Variants in ICAM3 observed in about 807,000 individuals in gnomAD.
The protein encoded by ICAM3 is intercellular adhesion molecule 3.
ICAM3 carries 54 observed loss-of-function variants against 43.6 expected under a neutral mutation model. That is an observed-to-expected ratio of 1.24 (90% confidence interval 0.99 to 1.55). The LOEUF (loss-of-function observed/expected upper bound fraction) is 1.55, where lower values mean the gene tolerates loss of function less well. ICAM3 is among the 40% of genes most tolerant of loss of function. ICAM3 has a pLI of 0.00. For missense variants in ICAM3, 715 were observed against 717.9 expected (o/e 1.00, Z 0.05); for synonymous variants, 306 against 312.6 (o/e 0.98, Z 0.22).
At position 10,335,283 on chromosome 19, in the gene ICAM3, G is replaced by C. The variant is rs781107671; in HGVS notation, c.720C>G (p.Asp240Glu). ...CTGGAAAAAGCCCGTCTAGGGTGCA[G>C]TCCACCGGCCACGACGTTTCCACCT... ...FLEVETSWPV[D>E]CTLDGLFPAS... is the part of the protein sequence containing the mutation. Residue 240 changes from aspartate (D) to glutamate (E), a missense_variant, in exon 4 of 7, where the codon GAC becomes GAG. Transcript: ENST00000160262. 6.2e-7 allele frequency: 1 copy of C among 1,613,190 alleles called. No individual in the cohort carries two copies. The highest frequency in any genetic ancestry group is 8.5e-7 in the Non-Finnish European group (1 of 1,179,944).
In ICAM3 at chr19:10,334,517, G is replaced by T; in HGVS notation, c.1192+11C>A. Reference sequence around the variant, plus strand: ...GGGTGGAGGGATTAAAGGTCAGGGTGACCGACTCACACAGGACTCGCAGCT... The same window carrying T: ...GGGTGGAGGGATTAAAGGTCAGGGTTACCGACTCACACAGGACTCGCAGCT... On this transcript the variant is annotated intron_variant, in intron 5 of 6. Transcript: ENST00000160262. The surrounding 1 kb of genome is among the most constrained non-coding windows in gnomAD (Gnocchi z 5.5). The T allele has an allele frequency of 6.2e-7, 1 of 1,603,478 alleles. No individual in the cohort carries two copies. The highest frequency in any genetic ancestry group is 1.1e-5 in the South Asian group (1 of 89,848).
intron 1 of ICAM3, 38 bp downstream of exon 1, chr19:10,339,501 C>T (rs1197411171): frequency 1.3e-6 from 2 of 1,582,400 alleles, no homozygotes; most frequent in Non-Finnish European, 1.7e-6. Flanking sequence ...CCCCAAAACG[C>T]AGCCCTCTCC....
Position 10,334,167 on chromosome 19 carries a change from G to A in ICAM3, c.1434C>T (p.Asp478=). The A allele has an allele frequency of 6.2e-7, 1 of 1,611,096 alleles. No homozygotes were observed. Among genetic ancestry groups the A allele is most frequent in the Non-Finnish European group, 8.5e-7 (1 of 1,177,998 alleles). Residue 478 remains aspartate, a synonymous_variant, in exon 6 of 7, where the codon GAC becomes GAT. Coordinates refer to ENST00000160262, the MANE Select transcript of ICAM3 (RefSeq NM_002162.5). This position sits in a 1 kb window ranked among gnomAD's most constrained non-coding sequence, Gnocchi z 5.5. ...AGCCCCGTGTTAGCTCACCCTCAAT[G>A]TCCATCACCACGACCAGGGTGTATT... is the stretch of plus-strand genomic sequence containing the variant. ...RGKYTLVVVM[D]IEAGSSHFVP...
rs1334453569 is a variant in ICAM3 at position 10,335,857 on chromosome 19, G to A, written c.463C>T (p.Leu155Phe). 1.9e-6 allele frequency: 3 copies of A among 1,610,444 alleles called. No individual in the cohort carries two copies. The South Asian group carries it at 3.3e-5, about 18-fold the overall frequency. The change falls in exon 3 of 7, where the codon CTT becomes TTT. Residue 155 changes from leucine to phenylalanine, a missense_variant. Physicochemically the swap from Leu to Phe is conservative, Grantham distance 22. Coordinates refer to ENST00000160262, the MANE Select transcript of ICAM3 (RefSeq NM_002162.5). ...SPRTSLTVVL[L>F]RWEEELSRQP... Reference sequence around the variant, plus strand: ...CGGCTCAGCTCCTCCTCCCAGCGAAGCAGCACCACCGTGAGGCTGGTCCGG... The same window carrying A: ...CGGCTCAGCTCCTCCTCCCAGCGAAACAGCACCACCGTGAGGCTGGTCCGG...
Position 10,339,608 on chromosome 19 carries a change from T to G in ICAM3, c.7A>C (p.Thr3Pro), listed in dbSNP as rs2040635693. ...GGCCACAACACGGATGGTACCATGG[T>G]GGCCATTCTGACAGAGGAAGGTGCC... is the stretch of plus-strand genomic sequence containing the variant. MA[T>P]MVPSVLWPRA... The change falls in exon 1 of 7, where the codon ACC becomes CCC. Residue 3 changes from threonine to proline, a missense_variant. Thr to Pro is a conservative substitution (Grantham distance 38). Transcript: ENST00000160262. The G allele has an allele frequency of 6.2e-7, 1 of 1,613,342 alleles. No individual in the cohort carries two copies. The highest frequency in any genetic ancestry group is 1.7e-5 in the Admixed American group (1 of 59,872).
At position 10,335,700 on chromosome 19, in the gene ICAM3, G is replaced by A. The variant is rs998082364; in HGVS notation, c.620C>T (p.Thr207Ile). The change falls in exon 3 of 7, where the codon ACC becomes ATC. Residue 207 changes from threonine to isoleucine, a missense_variant. Transcript: ENST00000160262. Reference sequence around the variant, plus strand: ...GGTTCGGAGCTGGCGGGGGGCTGAGGTGTTCACGAACAGTCCCAGCCCCTG... The same window carrying A: ...GGTTCGGAGCTGGCGGGGGGCTGAGATGTTCACGAACAGTCCCAGCCCCTG... ...QPQGLGLFVN[T>I]SAPRQLRTFV... The A allele has an allele frequency of 6.2e-7, 1 of 1,607,888 alleles. No homozygotes were observed. Among genetic ancestry groups the A allele is most frequent in the East Asian group, 2.2e-5 (1 of 44,702 alleles).
intron 2 of ICAM3, among the ~76,000 whole-genome samples, chr19:10,337,416 C>CAAAA (rs1227458863): frequency 1.3e-5 from 1 of 74,248 alleles, no homozygotes; most frequent in Non-Finnish European, 2.7e-5. Flanking sequence ...GACTCTGTCT[C>CAAAA]AAAAAAAAAA....
chr19:10,335,145 C>T lies in ICAM3; in HGVS notation c.858G>A (p.Gln286=), dbSNP rs773029037. ...ATATATARAD[Q]EGAREIVCNV... ...TGCAGACGATCTCCCGGGCACCCTCCTGATCCGCGCGCGCCGTGGCTGTGG... is the reference window on the plus strand; with the variant it reads ...TGCAGACGATCTCCCGGGCACCCTCTTGATCCGCGCGCGCCGTGGCTGTGG... Residue 286 remains glutamine (Q), a synonymous_variant, in exon 4 of 7, where the codon CAG becomes CAA. Transcript: ENST00000160262. 1.2e-6 allele frequency: 2 copies of T among 1,613,746 alleles called. No homozygotes were observed. The highest frequency in any genetic ancestry group is 2.7e-5 in the African/African-American group (2 of 74,916).
chr19:10,335,055 C>T lies in ICAM3; in HGVS notation c.937+11G>A. The stretch of plus-strand genomic sequence containing the variant: ...GCTGAGGCCGCGCCCCCTTCCCACG[C>T]CTCCTCTTACTAAAGACCGTCAAGT... On this transcript the variant is annotated intron_variant, in intron 4 of 6. Coordinates refer to ENST00000160262, the MANE Select transcript of ICAM3 (RefSeq NM_002162.5). The T allele has an allele frequency of 6.2e-7, 1 of 1,608,942 alleles. No individual in the cohort carries two copies. The highest frequency in any genetic ancestry group is 8.5e-7 in the Non-Finnish European group (1 of 1,176,744).
intron 2 of ICAM3, among the ~76,000 whole-genome samples, chr19:10,336,587 C>T (rs1431687714): frequency 6.6e-6 from 1 of 152,060 alleles, no homozygotes; most frequent in East Asian, 1.9e-4. Context: ...GGACGGATCA[C>T]CTGAGACCAG....
chr19:10,339,485 A>G, intron 1 of ICAM3, 54 bp downstream of exon 1: 2 of 1,474,902 alleles, frequency 1.4e-6, no homozygotes, highest in Non-Finnish European at 1.9e-6. Context: ...TCTACCCTCT[A>G]CTGATCCCCA....
chr19:10,334,755 C>G lies in ICAM3; in HGVS notation c.965G>C (p.Ser322Thr). 6.2e-7 allele frequency: 1 copy of G among 1,606,704 alleles called. No individual in the cohort carries two copies. The highest frequency in any genetic ancestry group is 8.5e-7 in the Non-Finnish European group (1 of 1,175,408). Residue 322 changes from serine (S) to threonine (T), a missense_variant, in exon 5 of 7, where the codon AGC becomes ACC. Ser to Thr is a moderately conservative substitution (Grantham distance 58, BLOSUM62 1). Coordinates refer to ENST00000160262, the MANE Select transcript of ICAM3 (RefSeq NM_002162.5). The surrounding 1 kb of genome is among the most constrained non-coding windows in gnomAD (Gnocchi z 5.5). ...FSFLGPIVNL[S>T]EPTAHEGSTV... is the part of the protein sequence containing the mutation. ...GGACCCCTCATGGGCGGTGGGCTCG[C>G]TGAGGTTCACAATGGGTCCTAGGAA... is the stretch of plus-strand genomic sequence containing the variant.
At chr19:10,337,437 GAAAAGA>G (rs1267463244) in intron 2 of ICAM3, among the ~76,000 whole-genome samples, 41 of 54,204 alleles carry the variant, frequency 7.6e-4, no homozygotes, top group East Asian at 3.4e-3. Context: ...AAAAAGAAAA[GAAAAGA>G]AAAAAAAAAG....
At position 10,333,803 on chromosome 19, in the gene ICAM3, C is replaced by A. The variant is rs1008722660; in HGVS notation, c.*54G>T. 2 of 1,568,264 alleles carry A rather than the reference C, an allele frequency of 1.3e-6. No individual in the cohort carries two copies. Among genetic ancestry groups the A allele is most frequent in the Admixed American group, 1.7e-5 (1 of 59,506 alleles). On this transcript the variant is annotated 3_prime_UTR_variant, in exon 7 of 7. Coordinates refer to ENST00000160262, the MANE Select transcript of ICAM3 (RefSeq NM_002162.5). The surrounding 1 kb of genome is among the most constrained non-coding windows in gnomAD (Gnocchi z 4.2). ...AGGGAGTTTGAAGGCTTTATTGGTG[C>A]GGAATCTGAGGGCACAGCCAAGCCC...
At position 10,334,539 on chromosome 19, in the gene ICAM3, A is replaced by G; in HGVS notation, c.1181T>C (p.Leu394Pro). The G allele has an allele frequency of 6.2e-7, 1 of 1,610,044 alleles. No homozygotes were observed. Among genetic ancestry groups the G allele is most frequent in the Middle Eastern group, 1.7e-4 (1 of 6,048 alleles). Residue 394 changes from leucine (L) to proline (P), a missense_variant, in exon 5 of 7, where the codon CTG becomes CCG. By Grantham distance (98) the Leu-to-Pro change is moderately conservative. Transcript: ENST00000160262. This position sits in a 1 kb window ranked among gnomAD's most constrained non-coding sequence, Gnocchi z 5.5. ...EFLHRNSSVQ[L>P]RVLYGPKIDR... Reference sequence around the variant, plus strand: ...GGTGACCGACTCACACAGGACTCGCAGCTGGACGCTACTGTTCCTGTGCAA... The same window carrying G: ...GGTGACCGACTCACACAGGACTCGCGGCTGGACGCTACTGTTCCTGTGCAA...
rs765672293 is a variant in ICAM3, at chr19:10,335,192, C to T, written c.811G>A (p.Gly271Arg). The T allele has an allele frequency of 6.2e-6, 10 of 1,613,732 alleles. No individual in the cohort carries two copies. In the South Asian group the frequency reaches 1.1e-4, roughly 18 times the overall value. Residue 271 changes from glycine to arginine, a missense_variant, in exon 4 of 7, where the codon GGG becomes AGG. Gly to Arg is a moderately radical substitution (Grantham distance 125, BLOSUM62 -2). Transcript: ENST00000160262. The stretch of plus-strand genomic sequence containing the variant: ...GTGGCTGTGGCCGTTAGCGTGTCCC[C>T]GTGGTTCATGACTGTCGCATTCAGC... ...QMLNATVMNH[G>R]DTLTATATAT...
Position 10,335,990 on chromosome 19 carries a change from G to A in ICAM3, c.344-14C>T. 1 of 1,534,244 alleles carries A rather than the reference G, an allele frequency of 6.5e-7. No individual in the cohort carries two copies. Among genetic ancestry groups the A allele is most frequent in the Non-Finnish European group, 8.7e-7 (1 of 1,143,808 alleles). On this transcript the variant is annotated splice_polypyrimidine_tract_variant and intron_variant, in intron 2 of 6. Coordinates refer to ENST00000160262, the MANE Select transcript of ICAM3 (RefSeq NM_002162.5). ...GCTCCGGGAGCCCTGAGAGAGGAGG[G>A]GAGGATGGCACTTAGCGGGTCCTGC... is the stretch of plus-strand genomic sequence containing the variant.
In ICAM3 at chr19:10,338,672, G is replaced by A. The variant is rs375684488; in HGVS notation, c.343+10C>T. On this transcript the variant is annotated intron_variant, in intron 2 of 6. Transcript: ENST00000160262. ...CAAGACCAGTCCCACCTCCGGACAC[G>A]TCGACTCACTGTACACGGTGATGTT... 1.1e-5 allele frequency: 18 copies of A among 1,613,010 alleles called. No individual in the cohort carries two copies. The highest frequency in any genetic ancestry group is 4.5e-5 in the East Asian group (2 of 44,872).
At chr19:10,338,980 T>C (rs1291900992) in intron 1 of ICAM3, 32 bp from the exon 2 acceptor site, 3 of 1,606,646 alleles carry the variant, frequency 1.9e-6, no homozygotes, top group Admixed American at 3.4e-5. Flanking sequence ...CTGGTGTTTG[T>C]TTCCTTGTCC....
Sources: allele counts gnomAD v4.1 joint callset (sites outside exome capture counted in the v4.1 genomes callset), GRCh38; gene constraint gnomAD v4.1.1; non-coding constraint Gnocchi (gnomAD v3.1); transcripts MANE v1.5; gene names NCBI Gene and HGNC (gene_info 2026-07-23, HGNC 2026-07-21).